INPP5F: variants seen among roughly 807,000 people sequenced by gnomAD.
The protein encoded by INPP5F is inositol polyphosphate-5-phosphatase F.
A neutral mutation model predicts 137.2 loss-of-function variants in INPP5F; 97 were observed. The ratio of observed to expected loss-of-function variants is 0.71; its 90% CI spans 0.60 to 0.84. INPP5F has a LOEUF of 0.84. Among genes scored for constraint, INPP5F ranks in the 40% least tolerant of loss-of-function variants. The probability of loss-of-function intolerance (pLI) is 0.00; values close to 1 mark genes in which losing one functional copy is unlikely to be tolerated. For synonymous variants in INPP5F, 504 were observed against 476.9 expected (o/e 1.06, Z -0.74); for missense variants, 1,271 against 1,371.9 (o/e 0.93, Z 1.16).
At chr10:119,819,546 A>G in intron 15 of INPP5F, 3 of 1,595,878 alleles carry the variant, frequency 1.9e-6, no homozygotes, top group Non-Finnish European at 2.6e-6. Flanking sequence ...GCACGTAAGT[A>G]TCAACGCGTA....
Position 119,807,994 on chromosome 10 carries a change from C to T in INPP5F, c.1503C>T (p.Tyr501=). 1 of 1,613,938 alleles carries T rather than the reference C, an allele frequency of 6.2e-7. No individual in the cohort carries two copies. Among genetic ancestry groups the T allele is most frequent in the Non-Finnish European group, 8.5e-7 (1 of 1,179,960 alleles). The change falls in exon 13 of 20, where the codon TAC becomes TAT. Residue 501 remains tyrosine, a synonymous_variant. Transcript: ENST00000650623. The stretch of plus-strand genomic sequence containing the variant: ...TACCTGTGAAATGTAATCGCATCTA[C>T]CAGATAATGTGGGCCAATAATGGTG... The part of the protein sequence containing the change: ...QPLPVKCNRI[Y]QIMWANNGDS...
Position 119,822,524 on chromosome 10 carries a change from T to G in INPP5F, c.2032+20T>G, listed in dbSNP as rs759678588. ...AAATAGGTAAGTTTTAACATACTAA[T>G]CAAGTCATCAAAAGCAAATGCTGTT... On this transcript the variant is annotated intron_variant, in intron 17 of 19. Transcript: ENST00000650623. 1.7e-5 allele frequency: 20 copies of G among 1,194,944 alleles called. No individual in the cohort carries two copies. In the African/African-American group the frequency reaches 2.3e-4, roughly 14 times the overall value. 74.0% of individuals were successfully genotyped at this position (1,194,944 alleles called of 1,614,324 possible).
rs1851806592 is a variant in INPP5F, at chr10:119,827,340, G to T, written c.2959G>T (p.Glu987Ter). ...ATCTGTGTCTCAGCAGGCTAGTCAG[G>T]AAAGAAATCAAATGACCAATCAAGT... ...TRSVSQQASQERNQMTNQVSN... is the reference protein window; with the variant it reads ...TRSVSQQASQ Residue 987 changes from glutamate (E) to a stop codon, truncating the protein, a stop_gained, in exon 20 of 20, where the codon GAA becomes TAA. Coordinates refer to ENST00000650623, the MANE Select transcript of INPP5F (RefSeq NM_014937.4). LOFTEE classifies it high-confidence loss of function. 2 of 1,614,172 alleles carry T rather than the reference G, an allele frequency of 1.2e-6. No homozygotes were observed. Among genetic ancestry groups the T allele is most frequent in the East Asian group, 2.2e-5 (1 of 44,892 alleles).
chr10:119,797,458 C>G lies in INPP5F; in HGVS notation c.869-3C>G, dbSNP rs374382072. 1.1e-5 allele frequency: 18 copies of G among 1,593,816 alleles called. No homozygotes were observed. The highest frequency in any genetic ancestry group is 1.5e-5 in the Non-Finnish European group (17 of 1,169,446). On this transcript the variant is annotated splice_region_variant and splice_polypyrimidine_tract_variant and intron_variant, in intron 7 of 19. Transcript: ENST00000650623. ...GCTGTTTTCTGTTTTAATTTTCTTTCAGGAATGCGCTATAAACGAAGAGGA... is the reference window on the plus strand; with the variant it reads ...GCTGTTTTCTGTTTTAATTTTCTTTGAGGAATGCGCTATAAACGAAGAGGA...
At chr10:119,821,377 T>G (rs1851555472) in intron 16 of INPP5F, among the ~76,000 whole-genome samples, 1 of 151,892 alleles carries the variant, frequency 6.6e-6, no homozygotes, top group Non-Finnish European at 1.5e-5. Flanking sequence ...CCTGCGCACT[T>G]CTTTGGTTAC....
At chr10:119,763,273 G>A (rs1849058632) in intron 2 of INPP5F, among the ~76,000 whole-genome samples, 1 of 152,196 alleles carries the variant, frequency 6.6e-6, no homozygotes, top group Non-Finnish European at 1.5e-5. Context: ...GCTGAGGTGG[G>A]GGCCCTGCCT....
At position 119,820,915 on chromosome 10, in the gene INPP5F, C is replaced by G. The variant is rs748099609; in HGVS notation, c.1956C>G (p.Ala652=). Reference sequence around the variant, plus strand: ...TTTCTAACTCTGCCTACTACGTGGCCTAGTAAGTTGCTTATTGATTTAAAG... The same window carrying G: ...TTTCTAACTCTGCCTACTACGTGGCGTAGTAAGTTGCTTATTGATTTAAAG... ...LLLSNSAYYV[A]YYDDEVDKVN... is the part of the protein sequence containing the mutation. The change falls in exon 16 of 20, where the codon GCC becomes GCG. Residue 652 remains alanine (A), a splice_region_variant and synonymous_variant. Coordinates refer to ENST00000650623, the MANE Select transcript of INPP5F (RefSeq NM_014937.4). The G allele has an allele frequency of 5.0e-6, 8 of 1,589,046 alleles. No homozygotes were observed. Among genetic ancestry groups the G allele is most frequent in the Non-Finnish European group, 6.9e-6 (8 of 1,157,346 alleles).
Position 119,781,674 on chromosome 10 carries a change from T to TGGTG in INPP5F, c.221_224dup (p.Lys76GlyfsTer8). 1 of 1,612,694 alleles carries TGGTG rather than the reference T, an allele frequency of 6.2e-7. No homozygotes were observed. Among genetic ancestry groups the TGGTG allele is most frequent in the Non-Finnish European group, 8.5e-7 (1 of 1,179,048 alleles). On this transcript the variant is annotated frameshift_variant, in exon 3 of 20. Coordinates refer to ENST00000650623, the MANE Select transcript of INPP5F (RefSeq NM_014937.4). LOFTEE classifies it high-confidence loss of function. ...CTTATTCTAATTCGGCAGAAAGCAT[T>TGGTG]GGTGGGCAAACTCCCAGGAGACCAT...
rs1422542462 is a variant in INPP5F, at chr10:119,726,280, C to G, written c.18C>G (p.Ala6=). MELFQ[A]KDHYILQQGE... ...GGGCCAGCATGGAGCTCTTCCAAGC[C>G]AAGGACCACTACATCCTGCAGCAGG... is the stretch of plus-strand genomic sequence containing the variant. Residue 6 remains alanine, a synonymous_variant, in exon 1 of 20, where the codon GCC becomes GCG. Coordinates refer to ENST00000650623, the MANE Select transcript of INPP5F (RefSeq NM_014937.4). 6.7e-7 allele frequency: 1 copy of G among 1,490,722 alleles called. No homozygotes were observed. The highest frequency in any genetic ancestry group is 1.3e-5 in the South Asian group (1 of 79,024). 92.3% of individuals were successfully genotyped at this position (1,490,722 alleles called of 1,614,324 possible).
In INPP5F at chr10:119,748,427, G is replaced by C. The variant is rs778864846; in HGVS notation, c.98-2649G>C. Among the ~76,000 whole-genome samples the C allele has an allele frequency of 1.2e-4, 18 of 152,176 alleles. No individual in the cohort carries two copies. The highest frequency in any genetic ancestry group is 1.9e-4 in the Non-Finnish European group (13 of 68,032). On this transcript the variant is annotated intron_variant, in intron 1 of 19. Transcript: ENST00000650623. The surrounding 1 kb of genome is among the most constrained non-coding windows in gnomAD (Gnocchi z 4.7). ...ACCTGGTGAGCAGGGGGCGTGTTTT[G>C]GTCCTGTTTGTGTTACAGCTTTTTC...
At chr10:119,745,635 G>A (rs560608889) in intron 1 of INPP5F, among the ~76,000 whole-genome samples, 1 of 149,856 alleles carries the variant, frequency 6.7e-6, no homozygotes, top group Non-Finnish European at 1.5e-5. Context: ...ATCCCTGGCC[G>A]TAATCTTATT....
chr10:119,743,091 T>C (rs1589668486), intron 1 of INPP5F, among the ~76,000 whole-genome samples: 1 of 152,254 alleles, frequency 6.6e-6, no homozygotes, highest in East Asian at 1.9e-4. Context: ...ACTTTACCTA[T>C]GCCAGCTTTA....
chr10:119,782,931 AAAAT>A (rs1278656969), intron 3 of INPP5F, among the ~76,000 whole-genome samples: 1 of 152,306 alleles, frequency 6.6e-6, no homozygotes. Context: ...AGAATAAGTA[AAAAT>A]AAAACTATTT....
At chr10:119,794,301 T>C (rs899200391) in intron 6 of INPP5F, among the ~76,000 whole-genome samples, 20 of 152,150 alleles carry the variant, frequency 1.3e-4, no homozygotes, top group African/African-American at 2.2e-4. Flanking sequence ...CCTGAGTGGA[T>C]ACAGCACATG....
At chr10:119,737,078 C>T (rs899340705) in intron 1 of INPP5F, among the ~76,000 whole-genome samples, 2 of 152,172 alleles carry the variant, frequency 1.3e-5, no homozygotes, top group African/African-American at 2.4e-5. Context: ...ATCCTCCTCT[C>T]TGGGCCCCCC....
At chr10:119,806,001 T>G (rs1183813585) in intron 11 of INPP5F, among the ~76,000 whole-genome samples, 1 of 152,194 alleles carries the variant, frequency 6.6e-6, no homozygotes, top group Non-Finnish European at 1.5e-5. Flanking sequence ...TTTGGAGAGT[T>G]TAGGTGCATT....
rs1240256045 is a variant in INPP5F, at chr10:119,828,607, T to C, written c.*827T>C. 6.6e-6 allele frequency: 1 copy of C among 152,212 alleles called. No individual in the cohort carries two copies. Among genetic ancestry groups the C allele is most frequent in the Non-Finnish European group, 1.5e-5 (1 of 68,048 alleles). 9.4% of individuals were successfully genotyped at this position (152,212 alleles called of 1,614,324 possible). On this transcript the variant is annotated 3_prime_UTR_variant, in exon 20 of 20. Transcript: ENST00000650623. ...TGATCCACAACTTCAAAATTTAGTCTGGGCCTAGTGCAGTGGCTCACACCT... is the reference window on the plus strand; with the variant it reads ...TGATCCACAACTTCAAAATTTAGTCCGGGCCTAGTGCAGTGGCTCACACCT...
chr10:119,799,727 T>C (rs1342631079), intron 9 of INPP5F, among the ~76,000 whole-genome samples: 2 of 152,208 alleles, frequency 1.3e-5, no homozygotes, highest in Non-Finnish European at 2.9e-5. Context: ...ATTTTTGATA[T>C]CTATCCTATA....
intron 2 of INPP5F, among the ~76,000 whole-genome samples, chr10:119,753,555 T>A (rs1848747302): frequency 1.3e-5 from 2 of 152,274 alleles, no homozygotes; most frequent in South Asian, 2.1e-4. Flanking sequence ...GGCCCCTCTC[T>A]CCATGTCTCT....
Sources: gnomAD v4.1 joint callset for allele counts (sites outside exome capture counted in the v4.1 genomes callset) on GRCh38, gnomAD v4.1.1 for gene constraint, Gnocchi (gnomAD v3.1) non-coding constraint, MANE v1.5 for transcripts, NCBI Gene and HGNC (gene_info 2026-07-23, HGNC 2026-07-21) for gene names.